The following CALN1 variants were observed in gnomAD, a reference collection of about 807,000 sequenced individuals.
CALN1 encodes calcium-binding protein 8.
CALN1 carries 17 observed loss-of-function variants against 30.6 expected under a neutral mutation model. The ratio of observed to expected loss-of-function variants is 0.56; its 90% confidence interval spans 0.38 to 0.83. The LOEUF (loss-of-function observed/expected upper bound fraction) is 0.83, where lower values mean the gene tolerates loss of function less well. Among genes scored for constraint, CALN1 ranks in the 40% least tolerant of loss-of-function variants. The pLI, the probability that CALN1 is intolerant of heterozygous loss-of-function variation, is 0.00. For synonymous variants in CALN1, 156 were observed against 131.4 expected, an observed-to-expected ratio of 1.19 and a Z score of -1.28; for missense variants, 291 against 354.9, an observed-to-expected ratio of 0.82 and a Z score of 1.45.
intron 2 of CALN1, among the ~76,000 whole-genome samples, chr7:72,291,849 T>TG (rs1798498858): frequency 6.6e-6 from 1 of 152,076 alleles, no homozygotes; most frequent in Non-Finnish European, 1.5e-5. Context: ...CAACCTCAAG[T>TG]GATGCACCTG....
chr7:71,811,435 C>CT (rs1562800765), intron 5 of CALN1, among the ~76,000 whole-genome samples: 1 of 133,192 alleles, frequency 7.5e-6, no homozygotes, highest in Non-Finnish European at 1.6e-5. Flanking sequence ...TCTCAAACTC[C>CT]TGGCCTCAAG....
At chr7:72,328,210 T>C (rs1008662843) in intron 2 of CALN1, among the ~76,000 whole-genome samples, 7 of 152,168 alleles carry the variant, frequency 4.6e-5, no homozygotes, top group Non-Finnish European at 8.8e-5. Flanking sequence ...TAATACAGTT[T>C]GGCTGTGTCC....
At chr7:72,406,617 T>A (rs976794987) in intron 1 of CALN1, among the ~76,000 whole-genome samples, 1 of 55,480 alleles carries the variant, frequency 1.8e-5, no homozygotes, top group Non-Finnish European at 3.0e-5. Flanking sequence ...CTTGTCAGCT[T>A]TTTTTTTTTT....
rs1461292230 is a variant in CALN1 at position 71,801,428 on chromosome 7, G to GTATGTATGTATC, written c.658+8907_658+8908insGATACATACATA. 4.3e-3 allele frequency among the ~76,000 whole-genome samples: 381 copies of GTATGTATGTATC among 87,704 alleles called. 2 individuals are homozygous for GTATGTATGTATC. The highest frequency in any genetic ancestry group is 7.0e-3 in the South Asian group (14 of 2,012). The allele number at this position is 87,704 out of a possible 152,430, so 57.5% of individuals were successfully genotyped here. ...TGTATGTATGTATGTATGTATGTATGTATCTATCTATCTATCTATCTATCT... is the reference window on the plus strand; with the variant it reads ...TGTATGTATGTATGTATGTATGTATGTATGTATGTATCTATCTATCTATCTATCTATCTATCT... On this transcript the variant is annotated intron_variant, in intron 6 of 6. Coordinates refer to ENST00000395275, the MANE Select transcript of CALN1 (RefSeq NM_031468.4).
the CALN1 span, among the ~76,000 whole-genome samples, chr7:72,480,494 G>A: frequency 6.6e-6 from 1 of 151,954 alleles, no homozygotes; most frequent in Non-Finnish European, 1.5e-5. Flanking sequence ...GCCTTATTTT[G>A]GTATTAGAGT....
At chr7:72,410,586 A>C (rs1264639389) in intron 1 of CALN1, among the ~76,000 whole-genome samples, 3 of 152,234 alleles carry the variant, frequency 2.0e-5, no homozygotes, top group African/African-American at 7.2e-5. Context: ...ATTCTTCTGC[A>C]AGTGAGACTT....
chr7:72,260,959 C>T (rs947226613), intron 3 of CALN1, among the ~76,000 whole-genome samples: 3 of 152,156 alleles, frequency 2.0e-5, no homozygotes, highest in Admixed American at 1.3e-4. Flanking sequence ...GCTCATTTCA[C>T]TGGATACGAG....
intron 1 of CALN1, among the ~76,000 whole-genome samples, chr7:72,406,217 A>G (rs1040126663): frequency 5.3e-5 from 8 of 152,186 alleles, no homozygotes; most frequent in Non-Finnish European, 8.8e-5. Flanking sequence ...AGGGAAGCCA[A>G]GCAGCCCTGC....
In CALN1 at chr7:72,012,292, C is replaced by T. The variant is rs185898494; in HGVS notation, c.501+11365G>A. ...CAGCACTTTGGGAGGCCGAGGCAGG[C>T]GGATCATGAGGTCCTCTTGAGACCA... is the stretch of plus-strand genomic sequence containing the variant. On this transcript the variant is annotated intron_variant, in intron 5 of 6. Coordinates refer to ENST00000395275, the MANE Select transcript of CALN1 (RefSeq NM_031468.4). 3.4e-4 allele frequency among the ~76,000 whole-genome samples: 51 copies of T among 152,200 alleles called. No homozygotes were observed. In the East Asian group the frequency reaches 5.0e-3, roughly 15 times the overall value.
the CALN1 span, among the ~76,000 whole-genome samples, chr7:72,499,084 G>T: frequency 6.6e-6 from 1 of 152,118 alleles, no homozygotes; most frequent in African/African-American, 2.4e-5. Context: ...AGGCTGGAGT[G>T]CAGTGGTGCA....
rs532508098 is a variant in CALN1, at chr7:72,393,781, G to A, written c.119+9470C>T. ...TTTTTCTATTTTGAGACAGAGTCTC[G>A]CTCTGTCACCCAGGCTGCTGCACAG... On this transcript the variant is annotated intron_variant, in intron 2 of 6. Transcript: ENST00000395275. Among the ~76,000 whole-genome samples the A allele has an allele frequency of 2.0e-4, 28 of 138,304 alleles. No homozygotes were observed. In the South Asian group the frequency reaches 5.6e-3, roughly 28 times the overall value. 90.7% of individuals were successfully genotyped at this position (138,304 alleles called of 152,430 possible). A position where few individuals can be genotyped will look rare whatever the true frequency, so the allele number is the denominator to read the frequency against.
At chr7:72,369,371 G>GTTGTTGT (rs1261582878) in intron 2 of CALN1, among the ~76,000 whole-genome samples, 4 of 143,510 alleles carry the variant, frequency 2.8e-5, no homozygotes, top group African/African-American at 1.1e-4. Context: ...TGTTGTTGTT[G>GTTGTTGT]TTTGTTTTTG....
chr7:72,469,584 A>C, the CALN1 span, among the ~76,000 whole-genome samples: 1 of 152,054 alleles, frequency 6.6e-6, no homozygotes. Context: ...TTTGTAGTAG[A>C]GACAGGGTTT....
At chr7:71,817,265 T>C (rs1788319385) in intron 5 of CALN1, among the ~76,000 whole-genome samples, 2 of 152,180 alleles carry the variant, frequency 1.3e-5, no homozygotes, top group Admixed American at 6.6e-5. Context: ...TTATCATTAG[T>C]ATGCAACTAT....
intron 5 of CALN1, among the ~76,000 whole-genome samples, chr7:72,020,987 G>A (rs149147825): frequency 1.3e-4 from 20 of 152,224 alleles, no homozygotes; most frequent in African/African-American, 3.6e-4. Context: ...AAGCATTCAG[G>A]GGCTCAGGTG....
chr7:72,284,129 G>C lies in CALN1; in HGVS notation c.120-5319C>G, dbSNP rs983147804. ...AACATGGTGAGACTGTGTCTCTACA[G>C]AAAAATTTTAAAAATTTTAGTCAGG... is the stretch of plus-strand genomic sequence containing the variant. On this transcript the variant is annotated intron_variant, in intron 2 of 6. Coordinates refer to ENST00000395275, the MANE Select transcript of CALN1 (RefSeq NM_031468.4). 3.9e-5 allele frequency among the ~76,000 whole-genome samples: 6 copies of C among 151,928 alleles called. No homozygotes were observed. The South Asian group carries it at 1.2e-3, about 32-fold the overall frequency.
chr7:71,803,625 C>T (rs1787432340), intron 6 of CALN1, among the ~76,000 whole-genome samples: 1 of 152,150 alleles, frequency 6.6e-6, no homozygotes, highest in Non-Finnish European at 1.5e-5. Flanking sequence ...CAGGCTCCTG[C>T]CACCACACCC....
At position 72,360,137 on chromosome 7, in the gene CALN1, G is replaced by C. The variant is rs1208578874; in HGVS notation, c.119+43114C>G. On this transcript the variant is annotated intron_variant, in intron 2 of 6. Coordinates refer to ENST00000395275, the MANE Select transcript of CALN1 (RefSeq NM_031468.4). ...CTTGGTTTTAAAACAAACTATAAAG[G>C]ACATTATTGCAACAAACTGGGAAAT... Among the ~76,000 whole-genome samples the C allele has an allele frequency of 3.9e-5, 6 of 152,024 alleles. No individual in the cohort carries two copies. In the East Asian group the frequency reaches 9.6e-4, roughly 24 times the overall value.
At chr7:71,844,531 T>G (rs778795246) in intron 5 of CALN1, among the ~76,000 whole-genome samples, 5 of 152,220 alleles carry the variant, frequency 3.3e-5, no homozygotes, top group African/African-American at 4.8e-5. Flanking sequence ...TCCCAAAATA[T>G]CTTCTTGTTA....
Sources: allele counts gnomAD v4.1 joint callset (sites outside exome capture counted in the v4.1 genomes callset), GRCh38; gene constraint gnomAD v4.1.1; transcripts MANE v1.5; gene names NCBI Gene and HGNC (gene_info 2026-07-23, HGNC 2026-07-21).